Variants in WWOX observed in about 807,000 individuals in gnomAD.
WWOX encodes the protein WW domain-containing oxidoreductase.
Under a neutral mutation model 46.2 loss-of-function variants are expected in WWOX, and 69 were observed. The ratio of observed to expected loss-of-function variants is 1.49; its 90% CI spans 1.23 to 1.82. WWOX has a LOEUF of 1.82. Among genes scored for constraint, WWOX ranks in the 40% most tolerant of loss-of-function variants. WWOX has a pLI of 0.00. For synonymous variants in WWOX, 359 were observed against 202.6 expected (o/e 1.77, Z -6.56); for missense variants, 919 against 542.6 (o/e 1.69, Z -6.89).
At chr16:78,764,227 C>T (rs746957162) in intron 8 of WWOX, among the ~76,000 whole-genome samples, 4 of 151,926 alleles carry the variant, frequency 2.6e-5, no homozygotes, top group Admixed American at 1.3e-4. Flanking sequence ...GAAGTGCGGC[C>T]GGGTGTTGTT....
chr16:78,990,413 A>G (rs2046863762), intron 8 of WWOX, among the ~76,000 whole-genome samples: 1 of 152,172 alleles, frequency 6.6e-6, no homozygotes, highest in African/African-American at 2.4e-5. Context: ...GTTCTGGGCT[A>G]GGGAATGGCT....
At chr16:79,127,291 C>T (rs183668206) in intron 8 of WWOX, among the ~76,000 whole-genome samples, 3 of 152,058 alleles carry the variant, frequency 2.0e-5, no homozygotes, top group African/African-American at 4.8e-5. Flanking sequence ...GATGTTATTT[C>T]CTGGTGCATC....
At chr16:78,342,566 G>A (rs2081035791) in intron 5 of WWOX, among the ~76,000 whole-genome samples, 1 of 120,474 alleles carries the variant, frequency 8.3e-6, no homozygotes, top group East Asian at 1.9e-4. Context: ...GAAGCACATG[G>A]GTGTTGGGAG....
intron 8 of WWOX, among the ~76,000 whole-genome samples, chr16:78,635,771 T>C (rs2046552225): frequency 6.6e-6 from 1 of 152,196 alleles, no homozygotes; most frequent in Non-Finnish European, 1.5e-5. Flanking sequence ...ATTTTGCCCT[T>C]GAGCTGGATG....
intron 8 of WWOX, among the ~76,000 whole-genome samples, chr16:78,790,119 G>C (rs2050556304): frequency 6.6e-6 from 1 of 152,034 alleles, no homozygotes; most frequent in South Asian, 2.1e-4. Flanking sequence ...TATTGTTTCA[G>C]GATTATTATT....
chr16:78,131,237 G>T (rs752190484), intron 4 of WWOX, among the ~76,000 whole-genome samples: 21 of 152,156 alleles, frequency 1.4e-4, no homozygotes, highest in Non-Finnish European at 2.9e-4. Flanking sequence ...TTGTGAGACA[G>T]GGTCTTGCTC....
chr16:78,114,677 C>G (rs1228256680), intron 3 of WWOX, among the ~76,000 whole-genome samples: 4 of 146,242 alleles, frequency 2.7e-5, no homozygotes, highest in Non-Finnish European at 5.9e-5. Context: ...CATAAAAGCC[C>G]AAAACCTTCT....
chr16:79,160,246 A>G (rs1324868488), intron 8 of WWOX, among the ~76,000 whole-genome samples: 3 of 152,186 alleles, frequency 2.0e-5, no homozygotes, highest in Non-Finnish European at 4.4e-5. Flanking sequence ...ATGTATAGAC[A>G]TCCCTGGTCC....
chr16:78,397,672 C>T (rs1035032416), intron 6 of WWOX, among the ~76,000 whole-genome samples: 2 of 152,190 alleles, frequency 1.3e-5, no homozygotes, highest in Non-Finnish European at 2.9e-5. Flanking sequence ...TGGACAGCCA[C>T]TGCCTAGTGG....
At chr16:78,903,592 G>GTT (rs1193875150) in intron 8 of WWOX, among the ~76,000 whole-genome samples, 1 of 152,208 alleles carries the variant, frequency 6.6e-6, no homozygotes, top group Non-Finnish European at 1.5e-5. Flanking sequence ...GGCGTGGAAA[G>GTT]TTAAGGGTTT....
intron 5 of WWOX, among the ~76,000 whole-genome samples, chr16:78,370,907 A>T (rs1204345888): frequency 6.8e-6 from 1 of 147,542 alleles, no homozygotes; most frequent in Non-Finnish European, 1.5e-5. Flanking sequence ...GATGGCCAAC[A>T]TTTCTAAAAA....
At chr16:78,821,765 A>C (rs1268442214) in intron 8 of WWOX, among the ~76,000 whole-genome samples, 1 of 152,234 alleles carries the variant, frequency 6.6e-6, no homozygotes, top group African/African-American at 2.4e-5. Context: ...GAGAAAATGC[A>C]AAGTAACCTA....
intron 8 of WWOX, among the ~76,000 whole-genome samples, chr16:78,495,288 C>T (rs1276735284): frequency 8.6e-5 from 13 of 151,254 alleles, no homozygotes; most frequent in Admixed American, 7.9e-4. Flanking sequence ...TTACAGGCGC[C>T]CGCCACCACA....
intron 8 of WWOX, among the ~76,000 whole-genome samples, chr16:79,162,826 A>G (rs1322426927): frequency 4.6e-5 from 7 of 152,056 alleles, no homozygotes; most frequent in African/African-American, 7.2e-5. Context: ...TCCTTCCCCA[A>G]CCTTCTGCAA....
chr16:78,497,390 C>G (rs1471532990), intron 8 of WWOX, among the ~76,000 whole-genome samples: 1 of 152,162 alleles, frequency 6.6e-6, no homozygotes, highest in East Asian at 1.9e-4. Flanking sequence ...GAGGAAAGCT[C>G]CATGACACTG....
chr16:78,620,173 C>G (rs930471699), intron 8 of WWOX, among the ~76,000 whole-genome samples: 1 of 152,160 alleles, frequency 6.6e-6, no homozygotes, highest in Non-Finnish European at 1.5e-5. Context: ...AATACTATAC[C>G]TTTTGGTTTC....
chr16:78,712,004 G>C (rs1204721238), intron 8 of WWOX, among the ~76,000 whole-genome samples: 3 of 152,158 alleles, frequency 2.0e-5, no homozygotes, highest in Non-Finnish European at 4.4e-5. Flanking sequence ...GTTCGGCAAA[G>C]AAGCCCCAAC....
At chr16:78,661,778 C>T (rs996171144) in intron 8 of WWOX, among the ~76,000 whole-genome samples, 3 of 152,134 alleles carry the variant, frequency 2.0e-5, no homozygotes, top group Non-Finnish European at 2.9e-5. Context: ...GGCTGACGCC[C>T]GTAATCCCAG....
At chr16:78,173,430 A>G in intron 5 of WWOX, among the ~76,000 whole-genome samples, 1 of 149,744 alleles carries the variant, frequency 6.7e-6, no homozygotes, top group Admixed American at 6.7e-5. Context: ...CTGGGACTAC[A>G]GGCTTATGCC....
Sources: gnomAD v4.1 joint callset for allele counts (sites outside exome capture counted in the v4.1 genomes callset) on GRCh38, gnomAD v4.1.1 for gene constraint, MANE v1.5 for transcripts, NCBI Gene and HGNC (gene_info 2026-07-23, HGNC 2026-07-21) for gene names.